Variants in BTBD9 observed in about 807,000 individuals in gnomAD.
BTBD9 encodes the protein BTB/POZ domain-containing protein 9.
BTBD9 carries 49 observed loss-of-function variants against 64.3 expected under a neutral mutation model. The ratio of observed to expected loss-of-function variants is 0.76; its 90% CI spans 0.61 to 0.97. The LOEUF (loss-of-function observed/expected upper bound fraction) is 0.97, where lower values mean the gene tolerates loss of function less well. Among genes scored for constraint, BTBD9 ranks in the 50% least tolerant of loss-of-function variants. BTBD9 has a pLI of 0.00. For missense variants in BTBD9, 598 were observed against 762.1 expected (o/e 0.78, Z 2.53); for synonymous variants, 260 against 274.7 (o/e 0.95, Z 0.53).
intron 9 of BTBD9, among the ~76,000 whole-genome samples, chr6:38,241,130 A>G (rs1409889973): frequency 6.6e-6 from 1 of 152,232 alleles, no homozygotes; most frequent in African/African-American, 2.4e-5. Flanking sequence ...CAGAATTTCT[A>G]TTAAGCTTAT....
At chr6:38,480,728 C>T (rs1490059519) in intron 6 of BTBD9, among the ~76,000 whole-genome samples, 2 of 152,174 alleles carry the variant, frequency 1.3e-5, no homozygotes, top group African/African-American at 4.8e-5. Context: ...GACAACTTGC[C>T]TGTCTTATTC....
chr6:38,596,323 G>T (rs2127495744), intron 2 of BTBD9, among the ~76,000 whole-genome samples: 1 of 152,138 alleles, frequency 6.6e-6, no homozygotes, highest in Non-Finnish European at 1.5e-5. Flanking sequence ...ATAAGCGGGG[G>T]GAGTATATTC....
chr6:38,186,089 G>A (rs973783701), intron 10 of BTBD9, among the ~76,000 whole-genome samples: 1 of 152,180 alleles, frequency 6.6e-6, no homozygotes, highest in Non-Finnish European at 1.5e-5. Context: ...GTGTGCATAT[G>A]CTCCTTTAGG....
chr6:38,435,169 G>C (rs1487134195), intron 6 of BTBD9, among the ~76,000 whole-genome samples: 1 of 145,760 alleles, frequency 6.9e-6, no homozygotes, highest in Non-Finnish European at 1.5e-5. Flanking sequence ...ACTCTAGCCT[G>C]GGCAACAGAG....
Position 38,456,428 on chromosome 6 carries a change from T to C in BTBD9, c.1155-111335A>G, listed in dbSNP as rs1169710752. On this transcript the variant is annotated intron_variant, in intron 6 of 10. Transcript: ENST00000481247. ...TTTAACTTTGTAAGAACAACTATTT[T>C]TCCAAATTGGTTATACCATATTGCA... Among the ~76,000 whole-genome samples the C allele has an allele frequency of 3.3e-5, 5 of 152,254 alleles. No individual in the cohort carries two copies. In the East Asian group the frequency reaches 9.6e-4, roughly 29 times the overall value.
chr6:38,570,128 T>A (rs1456949029), intron 6 of BTBD9, among the ~76,000 whole-genome samples: 3 of 152,082 alleles, frequency 2.0e-5, no homozygotes, highest in Non-Finnish European at 4.4e-5. Flanking sequence ...ACAGAAAATA[T>A]CCCCGGTTGT....
intron 8 of BTBD9, among the ~76,000 whole-genome samples, chr6:38,278,813 T>C (rs1255937508): frequency 1.3e-5 from 2 of 152,126 alleles, no homozygotes; most frequent in Admixed American, 1.3e-4. Context: ...AGGCAGGTAA[T>C]ATCATAACCA....
Position 38,240,833 on chromosome 6 carries a change from G to A in BTBD9, c.1562+15576C>T, listed in dbSNP as rs538579302. 1.1e-4 allele frequency among the ~76,000 whole-genome samples: 16 copies of A among 152,220 alleles called. No homozygotes were observed. The East Asian group carries it at 2.9e-3, about 28-fold the overall frequency. ...GTTATTGTGGCTCTGTCTTCACAGG[G>A]CAATTGAGGCTTTCAATTAGCCTAC... On this transcript the variant is annotated intron_variant, in intron 9 of 10. Transcript: ENST00000481247.
chr6:38,345,139 C>T (rs1295502620), intron 6 of BTBD9, 46 bp from the exon 7 acceptor site: 2 of 1,256,984 alleles, frequency 1.6e-6, no homozygotes, highest in Admixed American at 1.7e-5. Flanking sequence ...GAGCTCCCAC[C>T]ACAACCAATC....
intron 4 of BTBD9, among the ~76,000 whole-genome samples, chr6:38,585,231 G>C (rs543278464): frequency 6.6e-6 from 1 of 152,246 alleles, no homozygotes; most frequent in East Asian, 1.9e-4. Flanking sequence ...AGTTTCTCTA[G>C]CACAATAAAC....
chr6:38,342,038 T>C (rs1035609793), intron 7 of BTBD9, among the ~76,000 whole-genome samples: 8 of 152,230 alleles, frequency 5.3e-5, no homozygotes, highest in African/African-American at 1.4e-4. Flanking sequence ...TAAAATCTCA[T>C]ATAGTGGGTG....
intron 6 of BTBD9, among the ~76,000 whole-genome samples, chr6:38,521,418 A>C (rs13217020): frequency 0.19 from 28,411 of 152,232 alleles, 2,703 homozygotes; most frequent in East Asian, 0.27. Flanking sequence ...GAGTATCCTT[A>C]TATGAAATGC....
chr6:38,392,473 A>G (rs554690545), intron 6 of BTBD9, among the ~76,000 whole-genome samples: 1 of 152,298 alleles, frequency 6.6e-6, no homozygotes, highest in Admixed American at 6.5e-5. Flanking sequence ...TGGGGAATAC[A>G]GCCTAAGAAA....
At chr6:38,619,065 A>G (rs1016830781) in intron 1 of BTBD9, among the ~76,000 whole-genome samples, 2 of 152,216 alleles carry the variant, frequency 1.3e-5, no homozygotes, top group African/African-American at 4.8e-5. Flanking sequence ...TGTCCACCAT[A>G]ACTCAGGGAA....
intron 8 of BTBD9, among the ~76,000 whole-genome samples, chr6:38,273,646 G>C (rs780011163): frequency 2.6e-5 from 4 of 152,208 alleles, no homozygotes; most frequent in Middle Eastern, 3.2e-3. Context: ...CAGAGAATCA[G>C]AGTAAATATA....
At position 38,592,655 on chromosome 6, in the gene BTBD9, C is replaced by G. The variant is rs1426304295; in HGVS notation, c.735G>C (p.Leu245=). ...TGGCATCCAGGATGGCATCAGGAGA[C>G]AGCAGTCCTGAAGGCCTCACAACAT... is the stretch of plus-strand genomic sequence containing the variant. The part of the protein sequence containing the change: ...LLNVVRPSGL[L]SPDAILDAIK... The change falls in exon 4 of 11, where the codon CTG becomes CTC. Residue 245 remains leucine, a synonymous_variant. Transcript: ENST00000481247. 29 of 1,613,982 alleles carry G rather than the reference C, an allele frequency of 1.8e-5. No homozygotes were observed. The highest frequency in any genetic ancestry group is 2.2e-5 in the Non-Finnish European group (26 of 1,180,014).
intron 1 of BTBD9, among the ~76,000 whole-genome samples, chr6:38,599,371 G>A (rs1777169260): frequency 6.6e-6 from 1 of 152,022 alleles, no homozygotes; most frequent in African/African-American, 2.4e-5. Context: ...CTGTAACCTC[G>A]AACTCCTGGG....
chr6:38,539,508 T>C (rs1176481403), intron 6 of BTBD9, among the ~76,000 whole-genome samples: 1 of 152,168 alleles, frequency 6.6e-6, no homozygotes, highest in Non-Finnish European at 1.5e-5. Flanking sequence ...TGCTCAAGAA[T>C]TATATTGTGC....
chr6:38,369,699 T>G (rs1343220357), intron 6 of BTBD9, among the ~76,000 whole-genome samples: 1 of 152,200 alleles, frequency 6.6e-6, no homozygotes, highest in African/African-American at 2.4e-5. Context: ...TTGGGCAAAA[T>G]TGGAGCTTTA....
Sources: gnomAD v4.1 joint callset for allele counts (sites outside exome capture counted in the v4.1 genomes callset) on GRCh38, gnomAD v4.1.1 for gene constraint, MANE v1.5 for transcripts, NCBI Gene and HGNC (gene_info 2026-07-23, HGNC 2026-07-21) for gene names.